The following PSD3 variants were observed in gnomAD, a reference collection of about 807,000 sequenced individuals.
The protein encoded by PSD3 is PH and SEC7 domain-containing protein 3.
PSD3 carries 49 observed loss-of-function variants against 105.5 expected under a neutral mutation model. The observed-to-expected ratio is 0.46, with a 90% CI of 0.37 to 0.59. The LOEUF (loss-of-function observed/expected upper bound fraction) is 0.59. PSD3 is among the 20% of genes least tolerant of loss of function. The pLI is 0.00. For synonymous variants in PSD3, 557 were observed against 457.8 expected (o/e 1.22, Z -2.77); for missense variants, 1,561 against 1,263.8 (o/e 1.24, Z -3.57).
Position 18,947,814 on chromosome 8 carries a change from G to A in PSD3, c.22-11672C>T, listed in dbSNP as rs116095250. 2.3e-3 allele frequency among the ~76,000 whole-genome samples: 352 copies of A among 152,296 alleles called. 2 individuals are homozygous for A. Among genetic ancestry groups the A allele is most frequent in the African/African-American group, 8.1e-3 (336 of 41,544 alleles). On this transcript the variant is annotated intron_variant, in intron 1 of 15. Transcript: ENST00000327040. ...ACCCGAGGGCTTCTTACCAATGGTG[G>A]TAGCTGCTTTATTTTTTTTGAAGTG...
rs182105308 is a variant in PSD3 at position 18,713,997 on chromosome 8, C to T, written c.2172+51452G>A. Among the ~76,000 whole-genome samples, 6 of 152,262 alleles carry T rather than the reference C, an allele frequency of 3.9e-5. No homozygotes were observed. In the South Asian group the frequency reaches 8.3e-4, roughly 21 times the overall value. On this transcript the variant is annotated intron_variant, in intron 9 of 15. Transcript: ENST00000327040. ...GACTACACATTTACAACCATCTGAT[C>T]GTCAACAAACCTGACAAAAGCAGGC...
In PSD3 at chr8:18,672,367, G is replaced by T. The variant is rs766166767; in HGVS notation, c.2173-16682C>A. 2.0e-5 allele frequency among the ~76,000 whole-genome samples: 3 copies of T among 152,126 alleles called. No individual in the cohort carries two copies. In the South Asian group the frequency reaches 6.2e-4, roughly 32 times the overall value. Reference sequence around the variant, plus strand: ...CCTGTAAAAAAAACAATCCCTGGGGGACTTTGACATTTAGAGAGAATGCCA... The same window carrying T: ...CCTGTAAAAAAAACAATCCCTGGGGTACTTTGACATTTAGAGAGAATGCCA... On this transcript the variant is annotated intron_variant, in intron 9 of 15. Coordinates refer to ENST00000327040, the MANE Select transcript of PSD3 (RefSeq NM_015310.4).
intron 12 of PSD3, among the ~76,000 whole-genome samples, chr8:18,588,874 C>G (rs1383960580): frequency 6.7e-6 from 1 of 149,660 alleles, no homozygotes; most frequent in Non-Finnish European, 1.5e-5. Flanking sequence ...TCACTCCTCT[C>G]AAATGTTGAA....
intron 1 of PSD3, among the ~76,000 whole-genome samples, chr8:18,998,403 C>T (rs1826193631): frequency 6.6e-6 from 1 of 151,910 alleles, no homozygotes; most frequent in Non-Finnish European, 1.5e-5. Flanking sequence ...AAGATGGGTC[C>T]TGGGCCGGGT....
chr8:18,622,376 T>C (rs967399866), intron 11 of PSD3, among the ~76,000 whole-genome samples: 2 of 152,168 alleles, frequency 1.3e-5, no homozygotes, highest in Non-Finnish European at 2.9e-5. Context: ...ATTATATCCC[T>C]AAACAATGTG....
chr8:18,858,349 C>T (rs2129454527), intron 4 of PSD3, among the ~76,000 whole-genome samples: 1 of 152,284 alleles, frequency 6.6e-6, no homozygotes, highest in East Asian at 1.9e-4. Flanking sequence ...CTCAGCAAGT[C>T]CTAATCTTTT....
At chr8:18,707,204 C>G (rs1379296817) in intron 9 of PSD3, among the ~76,000 whole-genome samples, 7 of 152,160 alleles carry the variant, frequency 4.6e-5, no homozygotes, top group South Asian at 2.1e-4. Flanking sequence ...CGCCTCAAAG[C>G]TCACCCTCTT....
chr8:18,686,333 G>C (rs1021805608), intron 9 of PSD3, among the ~76,000 whole-genome samples: 2 of 152,172 alleles, frequency 1.3e-5, no homozygotes, highest in African/African-American at 4.8e-5. Context: ...CGCTATCACA[G>C]AGCCAGCATG....
intron 8 of PSD3, among the ~76,000 whole-genome samples, chr8:18,775,590 T>C (rs531178809): frequency 5.3e-5 from 8 of 152,326 alleles, no homozygotes; most frequent in Admixed American, 3.9e-4. Flanking sequence ...CCTGTAACAC[T>C]GAACATCTAT....
At chr8:18,695,853 T>C (rs1186521865) in intron 9 of PSD3, among the ~76,000 whole-genome samples, 1 of 152,174 alleles carries the variant, frequency 6.6e-6, no homozygotes, top group South Asian at 2.1e-4. Flanking sequence ...AGAAGGAGTA[T>C]GAAACAAGTC....
Position 18,532,488 on chromosome 8 carries a change from G to A in PSD3, c.*3255C>T, listed in dbSNP as rs1192138109. On this transcript the variant is annotated 3_prime_UTR_variant, in exon 16 of 16. Coordinates refer to ENST00000327040, the MANE Select transcript of PSD3 (RefSeq NM_015310.4). Reference sequence around the variant, plus strand: ...CCACAAGACCACTGCACCAAAAAATGCTTTCTATCCTCTGCATCTAAGAGG... The same window carrying A: ...CCACAAGACCACTGCACCAAAAAATACTTTCTATCCTCTGCATCTAAGAGG... The A allele has an allele frequency of 1.3e-5, 2 of 152,154 alleles. No homozygotes were observed. The highest frequency in any genetic ancestry group is 2.9e-5 in the Non-Finnish European group (2 of 68,024). The allele number at this position is 152,154 out of a possible 1,614,324, so 9.4% of individuals were successfully genotyped here.
intron 9 of PSD3, among the ~76,000 whole-genome samples, chr8:18,741,191 G>A (rs1804542921): frequency 6.6e-6 from 1 of 152,174 alleles, no homozygotes; most frequent in Non-Finnish European, 1.5e-5. Context: ...TACGAGTTAC[G>A]GTCCAGAGAA....
chr8:19,029,444 T>C (rs770401377), intron 1 of PSD3, among the ~76,000 whole-genome samples: 3 of 152,200 alleles, frequency 2.0e-5, no homozygotes, highest in Non-Finnish European at 4.4e-5. Context: ...AGAGGTTTCA[T>C]TGAATCACAG....
At chr8:18,915,884 T>C (rs567111253) in intron 2 of PSD3, among the ~76,000 whole-genome samples, 3 of 152,030 alleles carry the variant, frequency 2.0e-5, no homozygotes, top group East Asian at 3.9e-4. Flanking sequence ...TCACCTGAGG[T>C]TGGGAGTTAG....
chr8:18,762,129 T>C (rs959535694), intron 9 of PSD3, among the ~76,000 whole-genome samples: 2 of 152,162 alleles, frequency 1.3e-5, no homozygotes, highest in African/African-American at 2.4e-5. Flanking sequence ...GTACTGGATG[T>C]GGGGTCTGTT....
chr8:18,917,926 C>T (rs890520), intron 2 of PSD3, among the ~76,000 whole-genome samples: 11,776 of 152,060 alleles, frequency 0.077, 624 homozygotes, highest in Admixed American at 0.18. Context: ...GGCAGGTGGG[C>T]GTGTGTGTTT....
At chr8:18,646,065 G>T (rs1005029932) in intron 10 of PSD3, among the ~76,000 whole-genome samples, 2 of 152,124 alleles carry the variant, frequency 1.3e-5, no homozygotes, top group Non-Finnish European at 2.9e-5. Context: ...TTAGGAATGT[G>T]AGTATAGTCC....
chr8:18,670,173 G>C (rs1026445415), intron 9 of PSD3, among the ~76,000 whole-genome samples: 1 of 152,274 alleles, frequency 6.6e-6, no homozygotes, highest in East Asian at 1.9e-4. Context: ...GTGAGTGACC[G>C]GGAGCAGCCA....
At chr8:18,835,449 AT>A (rs1814025617) in intron 4 of PSD3, among the ~76,000 whole-genome samples, 1 of 152,212 alleles carries the variant, frequency 6.6e-6, no homozygotes, top group African/African-American at 2.4e-5. Context: ...TGCCTACTAC[AT>A]ACTACATTCC....
Sources: allele counts gnomAD v4.1 joint callset (sites outside exome capture counted in the v4.1 genomes callset), GRCh38; gene constraint gnomAD v4.1.1; transcripts MANE v1.5; gene names NCBI Gene and HGNC (gene_info 2026-07-23, HGNC 2026-07-21).